The following NEO1 variants were observed in gnomAD, a reference collection of about 807,000 sequenced individuals.
NEO1 encodes the protein neogenin.
NEO1 carries 63 observed loss-of-function variants against 159.7 expected under a neutral mutation model. That is an observed-to-expected ratio of 0.39 (90% CI 0.32 to 0.49). The LOEUF is 0.49. NEO1 is among the 20% of genes least tolerant of loss of function. The probability of loss-of-function intolerance (pLI) is 0.85; values close to 1 mark genes in which losing one functional copy is unlikely to be tolerated. For missense variants in NEO1, 1,615 were observed against 1,831.0 expected (o/e 0.88, Z 2.15); for synonymous variants, 633 against 662.0 (o/e 0.96, Z 0.67).
chr15:73,288,936 G>A (rs1381255582), intron 24 of NEO1: 1 of 574,346 alleles, frequency 1.7e-6, no homozygotes, highest in Admixed American at 3.0e-5. Flanking sequence ...AAGTATGGTG[G>A]GCAGCATTGT....
intron 7 of NEO1, among the ~76,000 whole-genome samples, chr15:73,226,037 C>T (rs971507708): frequency 6.6e-6 from 1 of 152,164 alleles, no homozygotes; most frequent in Non-Finnish European, 1.5e-5. Flanking sequence ...AGGTCGGAAA[C>T]TTCTCCCTCA....
At chr15:73,119,303 C>T (rs1298315289) in intron 2 of NEO1, among the ~76,000 whole-genome samples, 2 of 152,058 alleles carry the variant, frequency 1.3e-5, no homozygotes, top group African/African-American at 4.8e-5. Flanking sequence ...AAAAATTCTG[C>T]CAAATTGCCA....
intron 7 of NEO1, among the ~76,000 whole-genome samples, chr15:73,235,385 A>G (rs2150849404): frequency 6.6e-6 from 1 of 152,336 alleles, no homozygotes; most frequent in African/African-American, 2.4e-5. Flanking sequence ...TATTAGGAAT[A>G]AAATTCTACT....
At chr15:73,218,955 C>T (rs988858240) in intron 7 of NEO1, among the ~76,000 whole-genome samples, 7 of 151,840 alleles carry the variant, frequency 4.6e-5, no homozygotes, top group Non-Finnish European at 7.4e-5. Flanking sequence ...TATTTCTTGC[C>T]TTCTGCTAGC....
chr15:73,183,550 C>T (rs1388455307), intron 7 of NEO1, among the ~76,000 whole-genome samples: 1 of 152,152 alleles, frequency 6.6e-6, no homozygotes, highest in Non-Finnish European at 1.5e-5. Flanking sequence ...GAAACTTCTA[C>T]CTAAGACCGA....
chr15:73,190,534 G>A (rs541067023), intron 7 of NEO1, among the ~76,000 whole-genome samples: 32 of 152,202 alleles, frequency 2.1e-4, no homozygotes, highest in African/African-American at 5.5e-4. Context: ...AATAGTATCT[G>A]AGGTTAGCAT....
chr15:73,197,149 C>T lies in NEO1; in HGVS notation c.1291+18722C>T, dbSNP rs375222335. ...CCAAAGTGGGCAGATCGCTTGAGCTCGGGAGTTTGAGACCAGCCTGGGCAG... is the reference window on the plus strand; with the variant it reads ...CCAAAGTGGGCAGATCGCTTGAGCTTGGGAGTTTGAGACCAGCCTGGGCAG... On this transcript the variant is annotated intron_variant, in intron 7 of 28. Transcript: ENST00000261908. Among the ~76,000 whole-genome samples, 6 of 152,180 alleles carry T rather than the reference C, an allele frequency of 3.9e-5. No individual in the cohort carries two copies. The East Asian group carries it at 7.7e-4, about 20-fold the overall frequency.
At chr15:73,177,022 C>T (rs973984579) in intron 6 of NEO1, among the ~76,000 whole-genome samples, 2 of 152,126 alleles carry the variant, frequency 1.3e-5, no homozygotes, top group Non-Finnish European at 2.9e-5. Context: ...AACCTTAAAT[C>T]GTATACCGAT....
At chr15:73,209,958 G>T (rs1024754780) in intron 7 of NEO1, among the ~76,000 whole-genome samples, 2 of 152,004 alleles carry the variant, frequency 1.3e-5, no homozygotes, top group African/African-American at 4.8e-5. Context: ...AGCCGAGATC[G>T]CACCATTGCA....
chr15:73,266,056 A>G (rs921285545), intron 15 of NEO1, among the ~76,000 whole-genome samples: 2 of 152,230 alleles, frequency 1.3e-5, no homozygotes, highest in South Asian at 2.1e-4. Context: ...TCACTAAACC[A>G]TAGGAGAGAC....
chr15:73,113,424 AC>A (rs979323438), intron 1 of NEO1, among the ~76,000 whole-genome samples: 31 of 152,200 alleles, frequency 2.0e-4, no homozygotes, highest in African/African-American at 7.2e-4. Flanking sequence ...TGAAAACTGT[AC>A]AAAGATAGAT....
intron 1 of NEO1, among the ~76,000 whole-genome samples, chr15:73,088,684 T>A (rs2069503870): frequency 6.6e-6 from 1 of 152,038 alleles, no homozygotes; most frequent in African/African-American, 2.4e-5. Context: ...GAATGTACAG[T>A]TATAGTCACA....
intron 5 of NEO1, among the ~76,000 whole-genome samples, chr15:73,153,889 A>G (rs1315022544): frequency 1.3e-5 from 2 of 152,160 alleles, no homozygotes; most frequent in African/African-American, 2.4e-5. Flanking sequence ...TAGTTGTTCC[A>G]TTTTAAAATA....
intron 1 of NEO1, among the ~76,000 whole-genome samples, chr15:73,115,407 T>G (rs987494045): frequency 6.6e-6 from 1 of 152,230 alleles, no homozygotes; most frequent in Non-Finnish European, 1.5e-5. Context: ...AATTAGAATT[T>G]GTTTATCATT....
At chr15:73,075,708 A>G (rs1263913466) in intron 1 of NEO1, among the ~76,000 whole-genome samples, 1 of 152,136 alleles carries the variant, frequency 6.6e-6, no homozygotes, top group Non-Finnish European at 1.5e-5. Flanking sequence ...GTCACCAACT[A>G]GGGAATTCTG....
chr15:73,194,046 C>G (rs1022288752), intron 7 of NEO1, among the ~76,000 whole-genome samples: 1 of 152,118 alleles, frequency 6.6e-6, no homozygotes, highest in Non-Finnish European at 1.5e-5. Flanking sequence ...GAATATACAT[C>G]TGGGAAGGTG....
chr15:73,157,385 C>T (rs1234535744), intron 5 of NEO1, among the ~76,000 whole-genome samples: 1 of 152,244 alleles, frequency 6.6e-6, no homozygotes, highest in African/African-American at 2.4e-5. Flanking sequence ...TGGCCTCTTA[C>T]TGTAGCTGCC....
At chr15:73,191,889 C>T (rs2036255172) in intron 7 of NEO1, among the ~76,000 whole-genome samples, 2 of 151,992 alleles carry the variant, frequency 1.3e-5, no homozygotes, top group South Asian at 4.1e-4. Context: ...AGATAACCCT[C>T]ATTAACAAAC....
At chr15:73,116,005 A>C (rs1596031763) in intron 1 of NEO1, among the ~76,000 whole-genome samples, 1 of 152,196 alleles carries the variant, frequency 6.6e-6, no homozygotes, top group Non-Finnish European at 1.5e-5. Flanking sequence ...CAAATATTAT[A>C]AAGTCAAATG....
Sources: gnomAD v4.1 joint callset for allele counts (sites outside exome capture counted in the v4.1 genomes callset) on GRCh38, gnomAD v4.1.1 for gene constraint, MANE v1.5 for transcripts, NCBI Gene and HGNC (gene_info 2026-07-23, HGNC 2026-07-21) for gene names.